The following LTBP1 variants were observed in gnomAD, a reference collection of about 807,000 sequenced individuals.
LTBP1 encodes the protein latent transforming growth factor beta binding protein 1.
LTBP1 carries 129 observed loss-of-function variants against 207.6 expected under a neutral mutation model. The ratio of observed to expected loss-of-function variants is 0.62; its 90% CI spans 0.54 to 0.72. The LOEUF is 0.72. Ranked by LOEUF, LTBP1 falls within the 30% of genes least tolerant of loss-of-function variation. The probability of loss-of-function intolerance (pLI) is 0.00; values close to 1 mark genes in which losing one functional copy is unlikely to be tolerated. For synonymous variants in LTBP1, 963 were observed against 833.7 expected (o/e 1.16, Z -2.67); for missense variants, 2,281 against 2,217.2 (o/e 1.03, Z -0.58).
chr2:33,375,016 A>G (rs139478569), intron 31 of LTBP1, among the ~76,000 whole-genome samples: 2 of 152,320 alleles, frequency 1.3e-5, no homozygotes, highest in Admixed American at 6.5e-5. Context: ...CTCCCAAAGA[A>G]AGGTTGAAAA....
intron 26 of LTBP1, among the ~76,000 whole-genome samples, chr2:33,353,144 A>G (rs562364923): frequency 2.0e-5 from 3 of 150,946 alleles, no homozygotes; most frequent in Non-Finnish European, 4.4e-5. Flanking sequence ...ATGCCCACCT[A>G]ATTTTTGTAT....
intron 5 of LTBP1, among the ~76,000 whole-genome samples, chr2:33,172,142 A>T (rs1293855449): frequency 6.6e-6 from 1 of 152,224 alleles, no homozygotes; most frequent in East Asian, 1.9e-4. Context: ...GACAGGATCA[A>T]ATTCACACAT....
intron 26 of LTBP1, among the ~76,000 whole-genome samples, chr2:33,359,389 A>G (rs1336046323): frequency 6.6e-6 from 1 of 152,216 alleles, no homozygotes; most frequent in South Asian, 2.1e-4. Flanking sequence ...TCCATTGTCA[A>G]CTAGGCCCTG....
At chr2:33,240,721 G>A (rs924205661) in intron 9 of LTBP1, among the ~76,000 whole-genome samples, 2 of 148,362 alleles carry the variant, frequency 1.3e-5, no homozygotes, top group Non-Finnish European at 3.0e-5. Flanking sequence ...CGCGATCTCG[G>A]CTCACTCCAA....
intron 4 of LTBP1, among the ~76,000 whole-genome samples, chr2:33,130,793 C>T (rs770256566): frequency 7.2e-5 from 11 of 152,150 alleles, no homozygotes; most frequent in Non-Finnish European, 1.5e-5. Flanking sequence ...TGCATGGCTC[C>T]AGGCAATCTG....
chr2:33,126,663 G>A (rs1223496889), intron 4 of LTBP1, among the ~76,000 whole-genome samples: 1 of 152,028 alleles, frequency 6.6e-6, no homozygotes, highest in Admixed American at 6.5e-5. Flanking sequence ...ACATAATATT[G>A]GAGCATAGCT....
At position 33,134,359 on chromosome 2, in the gene LTBP1, A is replaced by T. The variant is rs2081992402; in HGVS notation, c.1034-434A>T. 4.3e-6 allele frequency: 2 copies of T among 466,488 alleles called. No individual in the cohort carries two copies. Among genetic ancestry groups the T allele is most frequent in the South Asian group, 3.2e-5 (2 of 63,290 alleles). The allele number at this position is 466,488 out of a possible 1,614,324, so 28.9% of individuals were successfully genotyped here. ...TAATAAGTGGAGAAACAGGGAAAGT[A>T]TGCAAGTTGAGGACACAAGAGTTTA... On this transcript the variant is annotated intron_variant, in intron 4 of 33. Coordinates refer to ENST00000404816, the MANE Select transcript of LTBP1 (RefSeq NM_206943.4). This position sits in a 1 kb window ranked among gnomAD's most constrained non-coding sequence, Gnocchi z 4.4.
At chr2:33,214,595 T>G (rs2090547299) in intron 7 of LTBP1, among the ~76,000 whole-genome samples, 1 of 152,210 alleles carries the variant, frequency 6.6e-6, no homozygotes, top group South Asian at 2.1e-4. Context: ...TCGGGGACTT[T>G]CCCTCACTGC....
At chr2:33,104,423 G>T (rs916339377) in intron 3 of LTBP1, among the ~76,000 whole-genome samples, 1 of 152,098 alleles carries the variant, frequency 6.6e-6, no homozygotes, top group Non-Finnish European at 1.5e-5. Flanking sequence ...CTAACACCAC[G>T]CTATTGATTT....
chr2:33,128,332 T>C (rs2081567119), intron 4 of LTBP1, among the ~76,000 whole-genome samples: 11 of 152,158 alleles, frequency 7.2e-5, no homozygotes, highest in Admixed American at 7.2e-4. Flanking sequence ...TAACCCACTG[T>C]GGTTATAAAG....
chr2:33,207,794 A>C (rs1157360412), intron 7 of LTBP1, among the ~76,000 whole-genome samples: 1 of 152,256 alleles, frequency 6.6e-6, no homozygotes, highest in South Asian at 2.1e-4. Flanking sequence ...ATGATCTAGT[A>C]CTGGGACACT....
At chr2:33,199,072 G>A (rs1018659153) in intron 7 of LTBP1, among the ~76,000 whole-genome samples, 1 of 152,122 alleles carries the variant, frequency 6.6e-6, no homozygotes, top group Non-Finnish European at 1.5e-5. Context: ...TGCTTCGAAT[G>A]TGTCCCAGAG....
At chr2:32,987,651 G>A (rs995949191) in intron 2 of LTBP1, among the ~76,000 whole-genome samples, 3 of 152,136 alleles carry the variant, frequency 2.0e-5, no homozygotes, top group African/African-American at 4.8e-5. Flanking sequence ...CTTGTAAGAT[G>A]CTTGGTCTAA....
chr2:33,203,411 C>T (rs2089537878), intron 7 of LTBP1, among the ~76,000 whole-genome samples: 1 of 152,198 alleles, frequency 6.6e-6, no homozygotes, highest in Non-Finnish European at 1.5e-5. Flanking sequence ...AGGGCTGGGA[C>T]ATTAGGATAA....
At chr2:33,390,062 A>C (rs1358153853) in intron 32 of LTBP1, among the ~76,000 whole-genome samples, 1 of 152,208 alleles carries the variant, frequency 6.6e-6, no homozygotes, top group Admixed American at 6.5e-5. Context: ...GGAAATGCAA[A>C]TGTTAACTGT....
At chr2:33,264,043 C>G (rs1380789323) in intron 15 of LTBP1, among the ~76,000 whole-genome samples, 4 of 151,314 alleles carry the variant, frequency 2.6e-5, no homozygotes, top group African/African-American at 9.7e-5. Flanking sequence ...ATCACTAGGT[C>G]AGGAGATTGA....
At chr2:32,949,097 G>T in intron 2 of LTBP1, 152 bp downstream of exon 2, 1 of 715,644 alleles carries the variant, frequency 1.4e-6, no homozygotes, top group Admixed American at 2.2e-5. Flanking sequence ...ACCTAGGAAG[G>T]GCTGGGTCAG....
intron 2 of LTBP1, among the ~76,000 whole-genome samples, chr2:32,964,268 A>G (rs1392728721): frequency 6.6e-6 from 1 of 152,224 alleles, no homozygotes; most frequent in Non-Finnish European, 1.5e-5. Context: ...GGAATTGCCT[A>G]TTATAAGACT....
rs2095381126 is a variant in LTBP1 at position 33,398,605 on chromosome 2, A to G, written c.*60A>G. 6.7e-7 allele frequency: 1 copy of G among 1,485,072 alleles called. No homozygotes were observed. The highest frequency in any genetic ancestry group is 2.1e-5 in the Admixed American group (1 of 47,944). The allele number at this position is 1,485,072 out of a possible 1,614,324, so 92.0% of individuals were successfully genotyped here. On this transcript the variant is annotated 3_prime_UTR_variant, in exon 34 of 34. Transcript: ENST00000404816. ...GCACTGTGTAAAGGAAAAGGGAGAA[A>G]TGTATTATACTTGAGACATTGCACC...
Sources: allele counts gnomAD v4.1 joint callset (sites outside exome capture counted in the v4.1 genomes callset), GRCh38; gene constraint gnomAD v4.1.1; non-coding constraint Gnocchi (gnomAD v3.1); transcripts MANE v1.5; gene names NCBI Gene and HGNC (gene_info 2026-07-23, HGNC 2026-07-21).